Variants in PAPSS1 observed in about 807,000 individuals in gnomAD.
The protein encoded by PAPSS1 is bifunctional 3'-phosphoadenosine 5'-phosphosulfate synthase 1.
In PAPSS1, 50 loss-of-function variants were observed where a neutral mutation model predicts 72.0. The observed-to-expected ratio is 0.69, with a 90% CI of 0.55 to 0.88. The LOEUF is 0.88. PAPSS1 is among the 40% of genes least tolerant of loss of function. PAPSS1 has a pLI of 0.00. For synonymous variants in PAPSS1, 261 were observed against 263.6 expected, an observed-to-expected ratio of 0.99 and a Z score of 0.09; for missense variants, 657 against 782.2, an observed-to-expected ratio of 0.84 and a Z score of 1.91.
At chr4:107,645,713 G>T (rs1726676283) in intron 9 of PAPSS1, among the ~76,000 whole-genome samples, 1 of 152,092 alleles carries the variant, frequency 6.6e-6, no homozygotes. Flanking sequence ...TACAACCCTG[G>T]GTTCATTCCT....
intron 11 of PAPSS1, 122 bp from the exon 12 acceptor site, chr4:107,614,509 C>T (rs927853642): frequency 3.1e-6 from 2 of 648,562 alleles, no homozygotes; most frequent in Middle Eastern, 4.3e-4. Context: ...GAACATAGTA[C>T]TTGTGAATAT....
intron 1 of PAPSS1, chr4:107,719,749 C>G: frequency 9.6e-7 from 1 of 1,040,674 alleles, no homozygotes; most frequent in Non-Finnish European, 1.2e-6. Context: ...CCAAGGTATG[C>G]AGGAAGCTCC....
chr4:107,720,123 G>T lies in PAPSS1; in HGVS notation c.57C>A (p.Asn19Lys). ...CTCGCCTTCGTCCCCAGCTTACCCA[G>T]TTCTGCGCGTTATTGCTCAGTTTGA... ...KKVKLSNNAQ[N>K]WGMQRATNVT... The change falls in exon 1 of 12, where the codon AAC becomes AAA. Residue 19 changes from asparagine to lysine, a missense_variant. By Grantham distance (94) the Asn-to-Lys change is moderately conservative. Coordinates refer to ENST00000265174, the MANE Select transcript of PAPSS1 (RefSeq NM_005443.5). The T allele has an allele frequency of 6.2e-7, 1 of 1,605,814 alleles. No homozygotes were observed. Among genetic ancestry groups the T allele is most frequent in the South Asian group, 1.1e-5 (1 of 89,954 alleles).
chr4:107,619,705 C>T (rs1725906970), intron 11 of PAPSS1, among the ~76,000 whole-genome samples: 1 of 152,154 alleles, frequency 6.6e-6, no homozygotes, highest in East Asian at 1.9e-4. Flanking sequence ...CAAATAAATT[C>T]TAATTTGGGC....
chr4:107,629,019 A>C (rs1459495608), intron 11 of PAPSS1, among the ~76,000 whole-genome samples: 1 of 152,222 alleles, frequency 6.6e-6, no homozygotes, highest in Non-Finnish European at 1.5e-5. Context: ...TTCATGGAAA[A>C]TGTTCATTAT....
chr4:107,691,214 T>A (rs1578425251), intron 3 of PAPSS1, among the ~76,000 whole-genome samples: 1 of 152,306 alleles, frequency 6.6e-6, no homozygotes, highest in African/African-American at 2.4e-5. Flanking sequence ...CATCAAAATT[T>A]ATGATACAGT....
At chr4:107,712,149 C>T (rs1328775613) in intron 1 of PAPSS1, among the ~76,000 whole-genome samples, 1 of 152,170 alleles carries the variant, frequency 6.6e-6, no homozygotes, top group Non-Finnish European at 1.5e-5. Context: ...ATATCAGTAC[C>T]TTTAATGGAA....
At chr4:107,687,247 T>C in intron 3 of PAPSS1, 70 bp from the exon 4 acceptor site, 2 of 973,904 alleles carry the variant, frequency 2.1e-6, no homozygotes, top group Non-Finnish European at 2.8e-6. Flanking sequence ...TAAAGATGAG[T>C]AAAAAGTGCT....
chr4:107,636,588 G>A (rs1726391072), intron 10 of PAPSS1, among the ~76,000 whole-genome samples: 4 of 152,132 alleles, frequency 2.6e-5, no homozygotes, highest in Admixed American at 2.0e-4. Flanking sequence ...TGGAGTGTAA[G>A]GCAGGGCTTA....
intron 3 of PAPSS1, among the ~76,000 whole-genome samples, chr4:107,691,075 T>C (rs1170061607): frequency 1.3e-5 from 2 of 152,172 alleles, no homozygotes; most frequent in African/African-American, 4.8e-5. Context: ...GAAATGGTTT[T>C]TACAGAATGT....
At chr4:107,626,371 A>C (rs1726098414) in intron 11 of PAPSS1, among the ~76,000 whole-genome samples, 1 of 152,178 alleles carries the variant, frequency 6.6e-6, no homozygotes, top group Non-Finnish European at 1.5e-5. Flanking sequence ...ATAATCCTGT[A>C]TCTATCTACC....
intron 7 of PAPSS1, 87 bp downstream of exon 7, chr4:107,656,809 A>T: frequency 1.1e-6 from 1 of 899,146 alleles, no homozygotes; most frequent in Non-Finnish European, 1.9e-6. Flanking sequence ...ACGTTACCCT[A>T]CTACTTTTTG....
At chr4:107,703,859 T>G (rs530654084) in intron 1 of PAPSS1, among the ~76,000 whole-genome samples, 1 of 152,348 alleles carries the variant, frequency 6.6e-6, no homozygotes, top group South Asian at 2.1e-4. Flanking sequence ...ATACAAATTT[T>G]AGAACTGCTT....
At chr4:107,699,898 A>G (rs1364277075) in intron 2 of PAPSS1, among the ~76,000 whole-genome samples, 1 of 152,222 alleles carries the variant, frequency 6.6e-6, no homozygotes, top group East Asian at 1.9e-4. Context: ...CATCTTGCAA[A>G]AATTATTTAA....
At chr4:107,718,792 G>C (rs1022740398) in intron 1 of PAPSS1, among the ~76,000 whole-genome samples, 7 of 152,160 alleles carry the variant, frequency 4.6e-5, no homozygotes, top group Non-Finnish European at 8.8e-5. Context: ...TTCCCTAACC[G>C]TGAAACACCT....
chr4:107,643,901 A>T (rs1049519422), intron 10 of PAPSS1, among the ~76,000 whole-genome samples: 1 of 152,174 alleles, frequency 6.6e-6, no homozygotes, highest in Admixed American at 6.5e-5. Context: ...GTTAAAAGAA[A>T]ATAAGACAAA....
chr4:107,706,317 T>C (rs1242567386), intron 1 of PAPSS1, among the ~76,000 whole-genome samples: 2 of 152,248 alleles, frequency 1.3e-5, no homozygotes, highest in African/African-American at 4.8e-5. Context: ...CTTTCTCCAT[T>C]ACTTTTCATT....
intron 2 of PAPSS1, among the ~76,000 whole-genome samples, chr4:107,695,241 T>C (rs894186783): frequency 6.6e-6 from 1 of 152,206 alleles, no homozygotes; most frequent in Non-Finnish European, 1.5e-5. Context: ...GGTATTTTAC[T>C]CTCTTTGTAG....
At chr4:107,674,884 CA>C (rs1560580915) in intron 5 of PAPSS1, among the ~76,000 whole-genome samples, 1 of 152,170 alleles carries the variant, frequency 6.6e-6, no homozygotes, top group African/African-American at 2.4e-5. Flanking sequence ...GAAACTCACT[CA>C]AAACCACTCA....
Sources: allele counts gnomAD v4.1 joint callset (sites outside exome capture counted in the v4.1 genomes callset), GRCh38; gene constraint gnomAD v4.1.1; transcripts MANE v1.5; gene names NCBI Gene and HGNC (gene_info 2026-07-23, HGNC 2026-07-21).